Variants in GPC5 observed in about 807,000 individuals in gnomAD.
GPC5 encodes glypican 5, also known as glypican-5.
A neutral mutation model predicts 53.9 loss-of-function variants in GPC5; 47 were observed. The observed-to-expected ratio is 0.87, with a 90% CI of 0.69 to 1.11. The LOEUF (loss-of-function observed/expected upper bound fraction) is 1.11. Among genes scored for constraint, GPC5 ranks in the 50% most tolerant of loss-of-function variants. The pLI is 0.00. For synonymous variants in GPC5, 286 were observed against 263.3 expected (o/e 1.09, Z -0.84); for missense variants, 748 against 713.1 (o/e 1.05, Z -0.56).
In GPC5 at chr13:91,844,180, T is replaced by C. The variant is rs148554236; in HGVS notation, c.1281-63757T>C. Among the ~76,000 whole-genome samples the C allele has an allele frequency of 2.4e-4, 37 of 152,280 alleles. No individual in the cohort carries two copies. In the East Asian group the frequency reaches 6.9e-3, roughly 29 times the overall value. The stretch of plus-strand genomic sequence containing the variant: ...GGAAAATGATATGAAAATCTTATTT[T>C]AGAGATTTTGTAAGAACAGAGTTTA... On this transcript the variant is annotated intron_variant, in intron 5 of 7. Transcript: ENST00000377067.
intron 7 of GPC5, among the ~76,000 whole-genome samples, chr13:92,632,460 C>CCACATATATATATATATATATATATA (rs1228248897): frequency 2.2e-5 from 2 of 90,012 alleles, no homozygotes; most frequent in African/African-American, 1.3e-4. Flanking sequence ...AGAAAATATT[C>CCACATATATATATATATATATATATA]CACATATATA....
intron 7 of GPC5, among the ~76,000 whole-genome samples, chr13:92,403,629 A>T (rs1480613487): frequency 1.3e-5 from 2 of 152,212 alleles, no homozygotes. Flanking sequence ...TCTTCTATGA[A>T]ATTGGTCCTT....
chr13:91,583,064 A>G (rs1161710996), intron 2 of GPC5, among the ~76,000 whole-genome samples: 1 of 152,196 alleles, frequency 6.6e-6, no homozygotes, highest in African/African-American at 2.4e-5. Context: ...TAGGAATAGA[A>G]GTCCATTTGA....
chr13:91,516,970 T>C (rs1885539981), intron 2 of GPC5, among the ~76,000 whole-genome samples: 1 of 152,106 alleles, frequency 6.6e-6, no homozygotes, highest in Non-Finnish European at 1.5e-5. Context: ...CACAGGGCAC[T>C]AAGTCTCTAG....
At chr13:91,780,040 C>T (rs2037774255) in intron 5 of GPC5, among the ~76,000 whole-genome samples, 1 of 152,160 alleles carries the variant, frequency 6.6e-6, no homozygotes, top group Admixed American at 6.5e-5. Context: ...TCTGGCAGCA[C>T]AGTAGGTTTG....
chr13:92,161,007 C>G (rs938619812), intron 7 of GPC5, among the ~76,000 whole-genome samples: 8 of 149,904 alleles, frequency 5.3e-5, no homozygotes, highest in African/African-American at 2.0e-4. Flanking sequence ...AGCACCAAAA[C>G]CTTTATTAGT....
intron 5 of GPC5, among the ~76,000 whole-genome samples, chr13:91,841,767 C>T (rs889819913): frequency 6.6e-6 from 1 of 152,022 alleles, no homozygotes; most frequent in African/African-American, 2.4e-5. Flanking sequence ...GAAAAGAAAG[C>T]AAGTGGGCTA....
chr13:92,578,826 C>T (rs1385671512), intron 7 of GPC5, among the ~76,000 whole-genome samples: 4 of 152,146 alleles, frequency 2.6e-5, no homozygotes, highest in African/African-American at 4.8e-5. Context: ...TCACAGATGG[C>T]GTCAGCATAG....
chr13:91,612,235 A>G (rs1445683411), intron 2 of GPC5, among the ~76,000 whole-genome samples: 1 of 152,176 alleles, frequency 6.6e-6, no homozygotes, highest in Non-Finnish European at 1.5e-5. Context: ...TGATAATATG[A>G]AGAATAAATT....
intron 2 of GPC5, among the ~76,000 whole-genome samples, chr13:91,463,232 C>A (rs551226925): frequency 6.6e-6 from 1 of 152,286 alleles, no homozygotes; most frequent in East Asian, 1.9e-4. Context: ...TACATCACTT[C>A]ATTTGCATGG....
intron 7 of GPC5, among the ~76,000 whole-genome samples, chr13:92,503,299 T>G (rs1880255773): frequency 6.6e-6 from 1 of 151,706 alleles, no homozygotes; most frequent in Admixed American, 6.6e-5. Flanking sequence ...TAACAATCCA[T>G]CAGTCAAAGA....
chr13:92,053,169 A>G (rs118068926), intron 6 of GPC5, among the ~76,000 whole-genome samples: 1 of 152,360 alleles, frequency 6.6e-6, no homozygotes, highest in Non-Finnish European at 1.5e-5. Context: ...ATTCAGGAAC[A>G]TGTGAAAATG....
chr13:91,830,234 A>G (rs187480902), intron 5 of GPC5, among the ~76,000 whole-genome samples: 3 of 151,978 alleles, frequency 2.0e-5, no homozygotes, highest in Non-Finnish European at 4.4e-5. Context: ...TATTTCTCCC[A>G]TTTGCTTTTG....
intron 7 of GPC5, among the ~76,000 whole-genome samples, chr13:92,531,234 C>A (rs1216940613): frequency 6.6e-6 from 1 of 152,036 alleles, no homozygotes; most frequent in Non-Finnish European, 1.5e-5. Flanking sequence ...CAATCATACC[C>A]ATGTAATAAA....
chr13:92,776,221 A>G (rs1161204988), intron 7 of GPC5, among the ~76,000 whole-genome samples: 1 of 152,020 alleles, frequency 6.6e-6, no homozygotes, highest in Non-Finnish European at 1.5e-5. Context: ...CTCTATCTTC[A>G]AGGCCAGTAG....
intron 7 of GPC5, among the ~76,000 whole-genome samples, chr13:92,504,199 A>T (rs1880284403): frequency 6.6e-6 from 1 of 151,962 alleles, no homozygotes; most frequent in Non-Finnish European, 1.5e-5. Context: ...TCACCACACA[A>T]AATGAACTAC....
intron 7 of GPC5, among the ~76,000 whole-genome samples, chr13:92,626,849 A>G (rs1885062037): frequency 6.6e-6 from 1 of 152,208 alleles, no homozygotes; most frequent in South Asian, 2.1e-4. Context: ...TGGTAGCTTT[A>G]TAGAATTTTC....
intron 6 of GPC5, among the ~76,000 whole-genome samples, chr13:92,032,765 T>C (rs559780804): frequency 1.3e-4 from 20 of 152,306 alleles, no homozygotes; most frequent in Admixed American, 1.1e-3. Context: ...CTAAAGTCCT[T>C]AACATGGCCA....
chr13:91,667,132 T>C (rs936850007), intron 2 of GPC5, among the ~76,000 whole-genome samples: 1 of 152,194 alleles, frequency 6.6e-6, no homozygotes, highest in Non-Finnish European at 1.5e-5. Flanking sequence ...TTATCAACTG[T>C]CTTTTTGCAT....
Sources: allele counts gnomAD v4.1 joint callset (sites outside exome capture counted in the v4.1 genomes callset), GRCh38; gene constraint gnomAD v4.1.1; transcripts MANE v1.5; gene names NCBI Gene and HGNC (gene_info 2026-07-23, HGNC 2026-07-21).